The following SEMA3C variants were observed in gnomAD, a reference collection of about 807,000 sequenced individuals.
SEMA3C encodes the protein semaphorin-3C.
SEMA3C carries 47 observed loss-of-function variants against 89.4 expected under a neutral mutation model. The ratio of observed to expected loss-of-function variants is 0.53; its 90% CI spans 0.42 to 0.67. The LOEUF is 0.67. SEMA3C is among the 30% of genes least tolerant of loss of function. The probability of loss-of-function intolerance (pLI) is 0.00; values close to 1 mark genes in which losing one functional copy is unlikely to be tolerated. For missense variants in SEMA3C, 839 were observed against 929.1 expected, an observed-to-expected ratio of 0.90 and a Z score of 1.26; for synonymous variants, 310 against 320.2, an observed-to-expected ratio of 0.97 and a Z score of 0.34.
rs528719306 is a variant in SEMA3C, at chr7:80,864,681, C to A, written c.104-35936G>T. ...ACAATTAGATAAAACTCAACTTACT[C>A]CCATAGATTCACATAGATGCAGATG... On this transcript the variant is annotated intron_variant, in intron 2 of 17. Transcript: ENST00000265361. 5.6e-4 allele frequency among the ~76,000 whole-genome samples: 86 copies of A among 152,252 alleles called. No individual in the cohort carries two copies. The South Asian group carries it at 0.018, about 32-fold the overall frequency.
At chr7:80,821,766 C>T (rs1190630134) in intron 4 of SEMA3C, among the ~76,000 whole-genome samples, 1 of 152,096 alleles carries the variant, frequency 6.6e-6, no homozygotes, top group Non-Finnish European at 1.5e-5. Context: ...TTTATCAATA[C>T]TCCATTTTAG....
intron 2 of SEMA3C, among the ~76,000 whole-genome samples, chr7:80,911,315 A>C (rs1487190825): frequency 6.6e-6 from 1 of 152,196 alleles, no homozygotes; most frequent in Non-Finnish European, 1.5e-5. Flanking sequence ...GTCAGTATTA[A>C]TGTTAGTGTT....
chr7:80,898,621 T>C (rs1459981779), intron 2 of SEMA3C, among the ~76,000 whole-genome samples: 2 of 152,124 alleles, frequency 1.3e-5, no homozygotes, highest in Non-Finnish European at 2.9e-5. Context: ...TCACAGGACA[T>C]GGGAATCAGG....
At chr7:80,764,830 C>T (rs1692512537) in intron 13 of SEMA3C, among the ~76,000 whole-genome samples, 1 of 151,990 alleles carries the variant, frequency 6.6e-6, no homozygotes, top group African/African-American at 2.4e-5. Context: ...ATGATAAAAG[C>T]CCTTTCATGG....
At chr7:80,838,270 C>T (rs1790181149) in intron 2 of SEMA3C, among the ~76,000 whole-genome samples, 1 of 152,066 alleles carries the variant, frequency 6.6e-6, no homozygotes, top group African/African-American at 2.4e-5. Context: ...GAGCACTCCC[C>T]TTAGGTCCTG....
chr7:80,886,573 C>T (rs1290057351), intron 2 of SEMA3C, among the ~76,000 whole-genome samples: 2 of 152,008 alleles, frequency 1.3e-5, no homozygotes, highest in Non-Finnish European at 2.9e-5. Flanking sequence ...AGGCTGGTCT[C>T]GAACTACTGA....
At position 80,789,501 on chromosome 7, in the gene SEMA3C, T is replaced by C; in HGVS notation, c.1159A>G (p.Met387Val). The C allele has an allele frequency of 6.2e-7, 1 of 1,613,106 alleles. No individual in the cohort carries two copies. Among genetic ancestry groups the C allele is most frequent in the Non-Finnish European group, 8.5e-7 (1 of 1,179,476 alleles). Reference protein sequence around the residue: ...TCPGGAFTPNMRTTKEFPDDV... With the variant: ...TCPGGAFTPNVRTTKEFPDDV... ...TCTGGGAACTCCTTGGTGGTTCGCA[T>C]ATTGGGTGTAAATGCTCCTCCTGGA... is the stretch of plus-strand genomic sequence containing the variant. Residue 387 changes from methionine (M) to valine (V), a missense_variant, in exon 12 of 18, where the codon ATG (methionine) becomes GTG (valine). Met to Val is a conservative substitution (Grantham distance 21). Coordinates refer to ENST00000265361, the MANE Select transcript of SEMA3C (RefSeq NM_006379.5).
chr7:80,820,723 C>T (rs1468019339), intron 4 of SEMA3C, among the ~76,000 whole-genome samples: 1 of 152,068 alleles, frequency 6.6e-6, no homozygotes, highest in Non-Finnish European at 1.5e-5. Context: ...AAATTGATTA[C>T]ATAACTACAG....
rs544739553 is a variant in SEMA3C, at chr7:80,894,786, C to T, written c.103+21893G>A. On this transcript the variant is annotated intron_variant, in intron 2 of 17. Transcript: ENST00000265361. ...CTTAACCTATTTTTATCATCCTTCA[C>T]ACTGCATTATCTCAATTCCTCCATT... Among the ~76,000 whole-genome samples the T allele has an allele frequency of 5.3e-5, 8 of 152,198 alleles. No homozygotes were observed. The East Asian group carries it at 1.2e-3, about 22-fold the overall frequency.
intron 11 of SEMA3C, among the ~76,000 whole-genome samples, chr7:80,794,130 C>T (rs1789007578): frequency 6.6e-6 from 1 of 151,982 alleles, no homozygotes; most frequent in Non-Finnish European, 1.5e-5. Flanking sequence ...CCTACTAACC[C>T]ACACAGAGCT....
At chr7:80,826,246 A>G (rs545836046) in intron 4 of SEMA3C, among the ~76,000 whole-genome samples, 3 of 152,046 alleles carry the variant, frequency 2.0e-5, no homozygotes, top group Non-Finnish European at 4.4e-5. Flanking sequence ...TGTCTGATCC[A>G]TCTCTACTTC....
intron 2 of SEMA3C, among the ~76,000 whole-genome samples, chr7:80,881,089 C>T (rs11980380): frequency 0.049 from 7,343 of 150,624 alleles, 502 homozygotes; most frequent in African/African-American, 0.15. Flanking sequence ...CAAGGATGTA[C>T]GATGTTGTTT....
At chr7:80,912,478 T>A (rs1584004633) in intron 2 of SEMA3C, among the ~76,000 whole-genome samples, 1 of 152,330 alleles carries the variant, frequency 6.6e-6, no homozygotes, top group Non-Finnish European at 1.5e-5. Context: ...TATTCTAGAC[T>A]CATGTTTCAG....
intron 4 of SEMA3C, among the ~76,000 whole-genome samples, chr7:80,822,261 G>T (rs945492044): frequency 1.3e-5 from 2 of 152,016 alleles, no homozygotes; most frequent in Admixed American, 1.3e-4. Context: ...GGAAAGAAAG[G>T]CATTAAGTAA....
intron 9 of SEMA3C, 110 bp from the exon 10 acceptor site, chr7:80,800,936 T>C: frequency 1.7e-6 from 1 of 577,428 alleles, no homozygotes; most frequent in South Asian, 2.7e-5. Context: ...TGCAAAAAGA[T>C]ATTCCTGTAC....
chr7:80,793,642 A>T (rs1001604723), intron 11 of SEMA3C: 1 of 349,756 alleles, frequency 2.9e-6, no homozygotes, highest in Admixed American at 3.8e-5. Flanking sequence ...AAACAAGTTT[A>T]TAACAGTGGA....
chr7:80,792,280 T>C (rs1788962913), intron 11 of SEMA3C, among the ~76,000 whole-genome samples: 1 of 152,190 alleles, frequency 6.6e-6, no homozygotes, highest in African/African-American at 2.4e-5. Context: ...CTAGCCTCAA[T>C]CTTCACACAA....
At chr7:80,835,719 C>T (rs954617406) in intron 2 of SEMA3C, among the ~76,000 whole-genome samples, 6 of 152,120 alleles carry the variant, frequency 3.9e-5, no homozygotes, top group Non-Finnish European at 7.4e-5. Flanking sequence ...AATAATAGCC[C>T]CAAATAGCAG....
chr7:80,889,739 G>GA (rs927079429), intron 2 of SEMA3C, among the ~76,000 whole-genome samples: 5 of 151,416 alleles, frequency 3.3e-5, no homozygotes, highest in African/African-American at 1.2e-4. Context: ...ATTGTAAAAA[G>GA]AAAAAAAAGA....
Sources: allele counts gnomAD v4.1 joint callset (sites outside exome capture counted in the v4.1 genomes callset), GRCh38; gene constraint gnomAD v4.1.1; transcripts MANE v1.5; gene names NCBI Gene and HGNC (gene_info 2026-07-23, HGNC 2026-07-21).